The following CSMD1 variants were observed in gnomAD, a reference collection of about 807,000 sequenced individuals.
CSMD1 encodes CUB and sushi domain-containing protein 1.
Under a neutral mutation model 417.5 loss-of-function variants are expected in CSMD1, and 213 were observed. The observed-to-expected ratio is 0.51, with a 90% CI of 0.46 to 0.57. The LOEUF is 0.57. Ranked by LOEUF, CSMD1 falls within the 20% of genes least tolerant of loss-of-function variation. The probability of loss-of-function intolerance (pLI) is 0.00; values close to 1 mark genes in which losing one functional copy is unlikely to be tolerated. For missense variants in CSMD1, 6,923 were observed against 4,529.7 expected, an observed-to-expected ratio of 1.53 and a Z score of -15.17; for synonymous variants, 2,862 against 1,736.8, an observed-to-expected ratio of 1.65 and a Z score of -16.11.
chr8:3,993,894 G>A (rs1190311136), intron 5 of CSMD1, among the ~76,000 whole-genome samples: 2 of 152,190 alleles, frequency 1.3e-5, no homozygotes, highest in South Asian at 2.1e-4. Context: ...GATAGGCAGT[G>A]GGCGATTTCC....
chr8:4,912,122 C>A (rs1341422292), intron 1 of CSMD1, among the ~76,000 whole-genome samples: 16 of 84,566 alleles, frequency 1.9e-4, no homozygotes, highest in African/African-American at 3.6e-4. Context: ...AACATAGCTT[C>A]AAAAAAAAAA....
intron 3 of CSMD1, among the ~76,000 whole-genome samples, chr8:4,319,762 G>C (rs4875333): frequency 1 from 151,884 of 152,214 alleles, 75,778 homozygotes; most frequent in Non-Finnish European, 1. Context: ...GGCTGCTAGA[G>C]TTGCCGGGCA....
chr8:3,481,154 C>CAAAAA (rs1221192557), intron 11 of CSMD1, among the ~76,000 whole-genome samples: 4 of 69,432 alleles, frequency 5.8e-5, no homozygotes, highest in Admixed American at 1.8e-4. Context: ...GACTCCATCT[C>CAAAAA]AAAAAAAAAA....
intron 5 of CSMD1, among the ~76,000 whole-genome samples, chr8:3,887,675 T>C (rs1806658264): frequency 6.6e-6 from 1 of 152,210 alleles, no homozygotes; most frequent in African/African-American, 2.4e-5. Flanking sequence ...ACAATACCTA[T>C]GTATCTGAGT....
At chr8:4,709,327 G>A (rs527350476) in intron 1 of CSMD1, among the ~76,000 whole-genome samples, 2 of 152,314 alleles carry the variant, frequency 1.3e-5, no homozygotes, top group African/African-American at 4.8e-5. Flanking sequence ...GATACCTGAG[G>A]CCTCTGTGTT....
intron 2 of CSMD1, among the ~76,000 whole-genome samples, chr8:4,526,746 A>C (rs1354667730): frequency 1.3e-5 from 2 of 152,230 alleles, no homozygotes; most frequent in African/African-American, 4.8e-5. Context: ...GATAAATAAC[A>C]GGTTACGTTA....
chr8:3,790,527 T>C (rs529506246), intron 5 of CSMD1, among the ~76,000 whole-genome samples: 1 of 152,302 alleles, frequency 6.6e-6, no homozygotes, highest in South Asian at 2.1e-4. Flanking sequence ...AACCGTGTGA[T>C]GGTGATAATA....
chr8:3,427,820 C>A (rs560805651), intron 12 of CSMD1, among the ~76,000 whole-genome samples: 2 of 152,260 alleles, frequency 1.3e-5, no homozygotes, highest in Non-Finnish European at 2.9e-5. Flanking sequence ...TCTAGAGGAC[C>A]AATTGCTTCC....
intron 4 of CSMD1, among the ~76,000 whole-genome samples, chr8:4,027,016 C>G (rs934964830): frequency 1.3e-5 from 2 of 152,210 alleles, no homozygotes; most frequent in South Asian, 2.1e-4. Context: ...AATAAGCTAA[C>G]CACATGATGT....
At chr8:4,289,623 T>C (rs978397592) in intron 3 of CSMD1, among the ~76,000 whole-genome samples, 1 of 152,186 alleles carries the variant, frequency 6.6e-6, no homozygotes, top group Non-Finnish European at 1.5e-5. Context: ...ATGGTGGGGA[T>C]CTGCTGGACG....
At chr8:3,301,143 T>C (rs1256547542) in intron 25 of CSMD1, among the ~76,000 whole-genome samples, 1 of 152,170 alleles carries the variant, frequency 6.6e-6, no homozygotes, top group African/African-American at 2.4e-5. Context: ...TTTTTAATTT[T>C]TTCAAAATCT....
intron 8 of CSMD1, among the ~76,000 whole-genome samples, chr8:3,590,512 G>T (rs982473212): frequency 3.3e-5 from 5 of 152,084 alleles, no homozygotes; most frequent in African/African-American, 1.2e-4. Context: ...TCATCACCTG[G>T]TATCACAAGC....
At chr8:3,514,672 C>T (rs2117416694) in intron 10 of CSMD1, among the ~76,000 whole-genome samples, 1 of 152,038 alleles carries the variant, frequency 6.6e-6, no homozygotes, top group East Asian at 1.9e-4. Flanking sequence ...TTTTTTTTAT[C>T]ATATTTGTAG....
intron 2 of CSMD1, among the ~76,000 whole-genome samples, chr8:4,580,721 G>A (rs894812075): frequency 6.6e-6 from 1 of 152,140 alleles, no homozygotes; most frequent in Non-Finnish European, 1.5e-5. Context: ...AGCCCTTCCT[G>A]ATTAAATCAC....
chr8:4,695,814 G>T (rs539925522), intron 1 of CSMD1, among the ~76,000 whole-genome samples: 3 of 152,146 alleles, frequency 2.0e-5, no homozygotes, highest in Non-Finnish European at 4.4e-5. Flanking sequence ...TTTTACCTGG[G>T]CAATTTAATT....
chr8:4,195,330 A>C (rs1004443819), intron 3 of CSMD1, among the ~76,000 whole-genome samples: 5 of 152,316 alleles, frequency 3.3e-5, no homozygotes, highest in African/African-American at 7.2e-5. Flanking sequence ...AATTCTATAG[A>C]ACAGGATAAG....
At chr8:4,478,771 A>C (rs893898424) in intron 2 of CSMD1, among the ~76,000 whole-genome samples, 2 of 152,228 alleles carry the variant, frequency 1.3e-5, no homozygotes, top group African/African-American at 4.8e-5. Flanking sequence ...ATATGTAACA[A>C]ATTTTAATGG....
intron 50 of CSMD1, among the ~76,000 whole-genome samples, chr8:3,045,946 A>T (rs1811404796): frequency 6.6e-6 from 1 of 152,210 alleles, no homozygotes; most frequent in South Asian, 2.1e-4. Flanking sequence ...GTTAGTTTTA[A>T]GCTAGTAATT....
intron 34 of CSMD1, among the ~76,000 whole-genome samples, chr8:3,189,580 CGT>C (rs1186270533): frequency 6.6e-6 from 1 of 152,096 alleles, no homozygotes; most frequent in East Asian, 1.9e-4. Flanking sequence ...ATTAAAAGGA[CGT>C]TACACAAGTA....
Sources: allele counts gnomAD v4.1 joint callset (sites outside exome capture counted in the v4.1 genomes callset), GRCh38; gene constraint gnomAD v4.1.1; transcripts MANE v1.5; gene names NCBI Gene and HGNC (gene_info 2026-07-23, HGNC 2026-07-21).